The following TRPS1 variants were observed in gnomAD, a reference collection of about 807,000 sequenced individuals.
TRPS1 encodes zinc finger transcription factor Trps1.
TRPS1 carries 6 observed loss-of-function variants against 101.2 expected under a neutral mutation model. That is an observed-to-expected ratio of 0.06 (90% CI 0.03 to 0.12). TRPS1 has a LOEUF of 0.12. Among genes scored for constraint, TRPS1 ranks in the 10% least tolerant of loss-of-function variants. The probability of loss-of-function intolerance (pLI) is 1.00; values close to 1 mark genes in which losing one functional copy is unlikely to be tolerated. For synonymous variants in TRPS1, 578 were observed against 589.8 expected, an observed-to-expected ratio of 0.98 and a Z score of 0.29; for missense variants, 1,363 against 1,567.0, an observed-to-expected ratio of 0.87 and a Z score of 2.20.
Position 115,619,390 on chromosome 8 carries a change from T to C in TRPS1, c.708A>G (p.Lys236=), listed in dbSNP as rs1164421231. The change falls in exon 3 of 7, where the codon AAA becomes AAG. Residue 236 remains lysine, a synonymous_variant. Coordinates refer to ENST00000395715, the MANE Select transcript of TRPS1 (RefSeq NM_014112.5). ...AGTAACCATATCCACAGATATTGCA[T>C]TTAAAGTCCTGAAGCTCTGGAGACA... ...APLSPELQDF[K]CNICGYGYYG... is the part of the protein sequence containing the mutation. The C allele has an allele frequency of 4.3e-6, 7 of 1,614,086 alleles. No homozygotes were observed. The highest frequency in any genetic ancestry group is 1.7e-5 in the Admixed American group (1 of 59,992).
intron 5 of TRPS1, among the ~76,000 whole-genome samples, chr8:115,443,137 G>T (rs868671330): frequency 6.6e-6 from 1 of 151,826 alleles, no homozygotes; most frequent in Non-Finnish European, 1.5e-5. Flanking sequence ...GGACGTGGTG[G>T]CATATTCCTG....
intron 4 of TRPS1, among the ~76,000 whole-genome samples, chr8:115,594,045 A>G (rs1332819976): frequency 1.3e-5 from 2 of 152,128 alleles, no homozygotes; most frequent in Non-Finnish European, 2.9e-5. Context: ...GGACAGTCAC[A>G]GCTCTGGATG....
intron 5 of TRPS1, among the ~76,000 whole-genome samples, chr8:115,548,806 A>C (rs1251758771): frequency 2.0e-5 from 3 of 152,228 alleles, no homozygotes; most frequent in African/African-American, 4.8e-5. Context: ...AAATATTCTC[A>C]GTATAATCTG....
chr8:115,410,204 A>C lies in TRPS1; in HGVS notation c.*3819T>G. 6.6e-6 allele frequency: 1 copy of C among 152,312 alleles called. No individual in the cohort carries two copies. Among genetic ancestry groups the C allele is most frequent in the East Asian group, 1.9e-4 (1 of 5,158 alleles). The allele number at this position is 152,312 out of a possible 1,614,324, so 9.4% of individuals were successfully genotyped here. The stretch of plus-strand genomic sequence containing the variant: ...TTTAATAGCCATACTGAGACTCTTC[A>C]GTTTATTAAGAAAAATGTATTTCCT... On this transcript the variant is annotated 3_prime_UTR_variant, in exon 7 of 7. Coordinates refer to ENST00000395715, the MANE Select transcript of TRPS1 (RefSeq NM_014112.5).
intron 5 of TRPS1, among the ~76,000 whole-genome samples, chr8:115,434,635 T>C (rs1194254168): frequency 1.3e-5 from 2 of 152,214 alleles, no homozygotes; most frequent in African/African-American, 4.8e-5. Context: ...GCAATATTGG[T>C]GTGATTCGCC....
At chr8:115,521,797 A>G (rs1563572187) in intron 5 of TRPS1, among the ~76,000 whole-genome samples, 1 of 151,968 alleles carries the variant, frequency 6.6e-6, no homozygotes. Flanking sequence ...CAATTAAGGT[A>G]AATATTCAAA....
chr8:115,499,706 C>G (rs16887500), intron 5 of TRPS1, among the ~76,000 whole-genome samples: 5,537 of 152,214 alleles, frequency 0.036, 374 homozygotes, highest in African/African-American at 0.13. Flanking sequence ...ATTCTATTTC[C>G]TTGGTGCAGA....
chr8:115,431,029 C>T (rs146701013), intron 5 of TRPS1, among the ~76,000 whole-genome samples: 5 of 152,024 alleles, frequency 3.3e-5, no homozygotes, highest in African/African-American at 1.2e-4. Context: ...AAATAAGACA[C>T]TGATAACTTA....
chr8:115,498,823 G>C (rs781558657), intron 5 of TRPS1, among the ~76,000 whole-genome samples: 6 of 152,012 alleles, frequency 3.9e-5, no homozygotes, highest in Non-Finnish European at 7.4e-5. Flanking sequence ...TATAACCCCA[G>C]ACAGAAGTGA....
chr8:115,431,636 A>T (rs1465960348), intron 5 of TRPS1, among the ~76,000 whole-genome samples: 1 of 151,960 alleles, frequency 6.6e-6, no homozygotes, highest in Non-Finnish European at 1.5e-5. Context: ...CCTTTCTAGA[A>T]CATAAAGGAA....
chr8:115,533,452 TTTTTTTTC>T lies in TRPS1; in HGVS notation c.2700+53541_2700+53548del, dbSNP rs1434484733. ...ATGTAATCTGTTTTTTTTTTTTTTT[TTTTTTTTC>T]CTGAAAAAAATCATGAGTGAGTTAA... On this transcript the variant is annotated intron_variant, in intron 5 of 6. Coordinates refer to ENST00000395715, the MANE Select transcript of TRPS1 (RefSeq NM_014112.5). Among the ~76,000 whole-genome samples, 35 of 134,528 alleles carry T rather than the reference TTTTTTTTC, an allele frequency of 2.6e-4. 3 individuals are homozygous for T. The East Asian group carries it at 3.0e-3, about 11-fold the overall frequency. The allele number at this position is 134,528 out of a possible 152,430, so 88.3% of individuals were successfully genotyped here.
intron 1 of TRPS1, among the ~76,000 whole-genome samples, chr8:115,639,359 A>G (rs551908251): frequency 6.6e-6 from 1 of 152,156 alleles, no homozygotes; most frequent in Non-Finnish European, 1.5e-5. Flanking sequence ...GTGAGCCACG[A>G]TGTCCAACAG....
chr8:115,483,554 T>C (rs891003269), intron 5 of TRPS1, among the ~76,000 whole-genome samples: 3 of 143,660 alleles, frequency 2.1e-5, no homozygotes, highest in African/African-American at 7.7e-5. Context: ...AAAAAAAAAT[T>C]AATTGTAAGT....
intron 3 of TRPS1, among the ~76,000 whole-genome samples, chr8:115,608,514 C>A (rs1296290750): frequency 1.3e-5 from 2 of 152,150 alleles, no homozygotes; most frequent in African/African-American, 4.8e-5. Context: ...TATTTATTTG[C>A]TTCTAGAGGA....
intron 2 of TRPS1, 113 bp from the exon 3 acceptor site, chr8:115,620,173 T>G: frequency 1.0e-6 from 1 of 991,738 alleles, no homozygotes; most frequent in South Asian, 1.7e-5. Context: ...AATCAAATGC[T>G]TCCTCTAGGA....
At chr8:115,431,716 T>C (rs2129832590) in intron 5 of TRPS1, among the ~76,000 whole-genome samples, 1 of 152,000 alleles carries the variant, frequency 6.6e-6, no homozygotes, top group African/African-American at 2.4e-5. Flanking sequence ...CTTTCTTCTT[T>C]CATATAGTGT....
At chr8:115,648,282 T>TGGGAGAGGGAGGA (rs5894284) in intron 1 of TRPS1, among the ~76,000 whole-genome samples, 1 of 152,078 alleles carries the variant, frequency 6.6e-6, no homozygotes, top group Non-Finnish European at 1.5e-5. Flanking sequence ...CAGGCAGCGC[T>TGGGAGAGGGAGGA]GGAGAGGGAG....
intron 5 of TRPS1, among the ~76,000 whole-genome samples, chr8:115,560,881 C>A (rs1028766923): frequency 6.6e-6 from 1 of 152,090 alleles, no homozygotes; most frequent in African/African-American, 2.4e-5. Context: ...AGCTTAAAGG[C>A]AGAAAGCTTG....
intron 5 of TRPS1, among the ~76,000 whole-genome samples, chr8:115,475,847 C>G (rs1450080231): frequency 6.6e-6 from 1 of 152,098 alleles, no homozygotes; most frequent in Non-Finnish European, 1.5e-5. Context: ...TCCACATTTA[C>G]CATCTGTGAT....
Sources: gnomAD v4.1 joint callset for allele counts (sites outside exome capture counted in the v4.1 genomes callset) on GRCh38, gnomAD v4.1.1 for gene constraint, MANE v1.5 for transcripts, NCBI Gene and HGNC (gene_info 2026-07-23, HGNC 2026-07-21) for gene names.